PADI1: variants seen among roughly 807,000 people sequenced by gnomAD.
PADI1 encodes the protein protein-arginine deiminase type-1.
A neutral mutation model predicts 74.8 loss-of-function variants in PADI1; 65 were observed. The observed-to-expected ratio is 0.87, with a 90% CI of 0.71 to 1.07. The LOEUF (loss-of-function observed/expected upper bound fraction) is 1.07. Among genes scored for constraint, PADI1 ranks in the 50% least tolerant of loss-of-function variants. The pLI is 0.00. For synonymous variants in PADI1, 371 were observed against 336.2 expected (o/e 1.10, Z -1.13); for missense variants, 943 against 854.0 (o/e 1.10, Z -1.30).
At chr1:17,227,546 TAAATAAATAAATAAATA>T (rs1199543539) in intron 6 of PADI1, among the ~76,000 whole-genome samples, 1 of 139,178 alleles carries the variant, frequency 7.2e-6, no homozygotes, top group Non-Finnish European at 1.6e-5. Context: ...AATAAATAAA[TAAATAAATAAATAAATA>T]AATAAATAAA....
At chr1:17,241,949 T>TGGAATCAGGGTTGGAAGTGAATGTC (rs1184336102) in intron 15 of PADI1, among the ~76,000 whole-genome samples, 2 of 152,106 alleles carry the variant, frequency 1.3e-5, no homozygotes, top group African/African-American at 2.4e-5. Flanking sequence ...GGAATCGGCA[T>TGGAATCAGGGTTGGAAGTGAATGTC]GGAATCAGGG....
Position 17,239,760 on chromosome 1 carries a change from C to T in PADI1, c.1609C>T (p.Gln537Ter). ...TGAGATGCTGGCAGACAGACACCTC[C>T]AGAGAGACAATCTTCATGCACAGGT... ...INEMLADRHL[Q>*]RDNLHAQKCI... is the part of the protein sequence containing the mutation. The change falls in exon 14 of 16, where the codon CAG becomes TAG. Residue 537 changes from glutamine (Q) to a stop codon, truncating the protein, a stop_gained. Transcript: ENST00000375471. LOFTEE classifies it high-confidence loss of function. The T allele has an allele frequency of 6.2e-7, 1 of 1,613,788 alleles. No homozygotes were observed. The highest frequency in any genetic ancestry group is 1.1e-5 in the South Asian group (1 of 91,060).
At chr1:17,219,086 A>T (rs573922941) in intron 1 of PADI1, among the ~76,000 whole-genome samples, 1 of 152,344 alleles carries the variant, frequency 6.6e-6, no homozygotes, top group Admixed American at 6.5e-5. Flanking sequence ...GTCAGCAGTC[A>T]TGAGTCCAAG....
At chr1:17,222,726 T>A (rs1323193911) in intron 2 of PADI1, among the ~76,000 whole-genome samples, 1 of 151,994 alleles carries the variant, frequency 6.6e-6, no homozygotes, top group East Asian at 1.9e-4. Context: ...AGTCACCCCC[T>A]CAGATTCACA....
chr1:17,227,860 A>G (rs577572899), intron 6 of PADI1, among the ~76,000 whole-genome samples: 29 of 152,374 alleles, frequency 1.9e-4, no homozygotes, highest in African/African-American at 7.0e-4. Flanking sequence ...TGCAGCCACC[A>G]ATGTGCTCTC....
chr1:17,224,883 C>A (rs1192080778), intron 4 of PADI1, among the ~76,000 whole-genome samples: 1 of 151,484 alleles, frequency 6.6e-6, no homozygotes, highest in South Asian at 2.1e-4. Context: ...AAGGCGTCAC[C>A]CCACAGGAAC....
At chr1:17,242,144 C>T (rs576805858) in intron 15 of PADI1, among the ~76,000 whole-genome samples, 105 of 152,296 alleles carry the variant, frequency 6.9e-4, no homozygotes, top group Admixed American at 2.3e-3. Flanking sequence ...AGATGCTGTA[C>T]AGTGCCTCGC....
At position 17,217,149 on chromosome 1, in the gene PADI1, G is replaced by A. The variant is rs546983581; in HGVS notation, c.93-5141G>A. On this transcript the variant is annotated intron_variant, in intron 1 of 15. Transcript: ENST00000375471. Reference sequence around the variant, plus strand: ...GAGTACCAGTGTAGGGATTCTGCCCGTTGCCGATGGTGCCTATTCCAATTA... The same window carrying A: ...GAGTACCAGTGTAGGGATTCTGCCCATTGCCGATGGTGCCTATTCCAATTA... Among the ~76,000 whole-genome samples the A allele has an allele frequency of 1.6e-4, 24 of 152,194 alleles. No individual in the cohort carries two copies. The South Asian group carries it at 2.1e-3, about 13-fold the overall frequency.
In PADI1 at chr1:17,235,213, G is replaced by C. The variant is rs572945870; in HGVS notation, c.1314-2101G>C. The stretch of plus-strand genomic sequence containing the variant: ...AGAAGGAAGGAAGGGAGGGAGGGAG[G>C]AAGGGAAGGAAGGAAGGGAGGGAGG... On this transcript the variant is annotated intron_variant, in intron 11 of 15. Coordinates refer to ENST00000375471, the MANE Select transcript of PADI1 (RefSeq NM_013358.3). Among the ~76,000 whole-genome samples, 3 of 130,612 alleles carry C rather than the reference G, an allele frequency of 2.3e-5. No homozygotes were observed. In the South Asian group the frequency reaches 8.6e-4, roughly 38 times the overall value. 85.7% of individuals were successfully genotyped at this position (130,612 alleles called of 152,430 possible).
intron 1 of PADI1, among the ~76,000 whole-genome samples, chr1:17,215,604 C>T (rs2071956005): frequency 6.6e-6 from 1 of 152,078 alleles, no homozygotes; most frequent in African/African-American, 2.4e-5. Flanking sequence ...GCTGGGTGCC[C>T]TGGGCTTGTG....
intron 1 of PADI1, among the ~76,000 whole-genome samples, chr1:17,215,378 T>TTCATCATCATCATCA (rs559907183): frequency 1.9e-4 from 28 of 148,444 alleles, no homozygotes; most frequent in Admixed American, 6.0e-4. Flanking sequence ...TCCCCCTTCT[T>TTCATCATCATCATCA]TCATCATCAT....
chr1:17,220,008 T>G (rs1557458205), intron 1 of PADI1, among the ~76,000 whole-genome samples: 1 of 151,702 alleles, frequency 6.6e-6, no homozygotes, highest in African/African-American at 2.4e-5. Flanking sequence ...GATGAGAGGA[T>G]GATAGTCCAG....
intron 4 of PADI1, 134 bp downstream of exon 4, chr1:17,224,562 C>T: frequency 1.4e-6 from 1 of 708,116 alleles, no homozygotes; most frequent in Non-Finnish European, 2.5e-6. Flanking sequence ...GTAGGGAACC[C>T]ATCTGGGACA....
rs560325183 is a variant in PADI1, at chr1:17,222,816, C to T, written c.273+346C>T. Among the ~76,000 whole-genome samples, 6 of 152,152 alleles carry T rather than the reference C, an allele frequency of 3.9e-5. No individual in the cohort carries two copies. In the East Asian group the frequency reaches 7.7e-4, roughly 20 times the overall value. Reference sequence around the variant, plus strand: ...CCCAGTGCTCTCGTGTGGGCAGGACCGCACAACAACAACCCGTGCAGGTGC... The same window carrying T: ...CCCAGTGCTCTCGTGTGGGCAGGACTGCACAACAACAACCCGTGCAGGTGC... On this transcript the variant is annotated intron_variant, in intron 2 of 15. Transcript: ENST00000375471.
chr1:17,231,215 C>T (rs1375441289), intron 10 of PADI1, among the ~76,000 whole-genome samples: 3 of 152,156 alleles, frequency 2.0e-5, no homozygotes, highest in Admixed American at 1.3e-4. Flanking sequence ...CTTATGTATT[C>T]CATGGGGTAC....
At chr1:17,235,010 G>C (rs3003410) in intron 11 of PADI1, among the ~76,000 whole-genome samples, 17,823 of 151,928 alleles carry the variant, frequency 0.12, 1,336 homozygotes, top group East Asian at 0.17. Context: ...CCAGCTACTT[G>C]GGAGGCTGAG....
chr1:17,229,293 C>T (rs1034411094), intron 8 of PADI1, among the ~76,000 whole-genome samples: 3 of 152,312 alleles, frequency 2.0e-5, no homozygotes, highest in Middle Eastern at 3.4e-3. Context: ...GCTTTCCTGC[C>T]CATCCTGTCC....
chr1:17,222,869 C>G (rs1200558608), intron 2 of PADI1, among the ~76,000 whole-genome samples: 1 of 152,212 alleles, frequency 6.6e-6, no homozygotes, highest in Non-Finnish European at 1.5e-5. Context: ...TCTTTGTGTG[C>G]ACGGATCTCC....
intron 1 of PADI1, among the ~76,000 whole-genome samples, chr1:17,216,159 C>A (rs751155153): frequency 6.6e-6 from 1 of 152,032 alleles, no homozygotes; most frequent in East Asian, 1.9e-4. Flanking sequence ...GTCAGGAAAG[C>A]CTGGGAGGCC....
Sources: gnomAD v4.1 joint callset for allele counts (sites outside exome capture counted in the v4.1 genomes callset) on GRCh38, gnomAD v4.1.1 for gene constraint, MANE v1.5 for transcripts, NCBI Gene and HGNC (gene_info 2026-07-23, HGNC 2026-07-21) for gene names.